OXCT1: variants seen among roughly 807,000 people sequenced by gnomAD.
OXCT1 encodes 3-oxoacid CoA-transferase 1.
OXCT1 carries 27 observed loss-of-function variants against 69.6 expected under a neutral mutation model. That is an observed-to-expected ratio of 0.39 (90% CI 0.29 to 0.54). The LOEUF is 0.54. OXCT1 is among the 20% of genes least tolerant of loss of function. OXCT1 has a pLI of 0.72. For missense variants in OXCT1, 437 were observed against 650.2 expected, an observed-to-expected ratio of 0.67 and a Z score of 3.57; for synonymous variants, 202 against 217.8, an observed-to-expected ratio of 0.93 and a Z score of 0.64.
At chr5:41,805,469 A>C in intron 9 of OXCT1, 98 bp downstream of exon 9, 1 of 819,606 alleles carries the variant, frequency 1.2e-6, no homozygotes, top group Non-Finnish European at 2.1e-6. Context: ...GTTACCATAG[A>C]CTAGAGATGA....
chr5:41,829,687 T>C (rs1447234338), intron 7 of OXCT1, among the ~76,000 whole-genome samples: 1 of 152,210 alleles, frequency 6.6e-6, no homozygotes, highest in African/African-American at 2.4e-5. Flanking sequence ...AAGAATTATA[T>C]TTGTTAATAT....
At chr5:41,862,204 C>G (rs1322693425) in intron 2 of OXCT1, among the ~76,000 whole-genome samples, 1 of 152,128 alleles carries the variant, frequency 6.6e-6, no homozygotes, top group African/African-American at 2.4e-5. Flanking sequence ...AAGTGAAACT[C>G]CCTCGAGAGT....
intron 7 of OXCT1, among the ~76,000 whole-genome samples, chr5:41,823,599 C>A (rs951540715): frequency 6.6e-6 from 1 of 152,164 alleles, no homozygotes; most frequent in East Asian, 1.9e-4. Flanking sequence ...AATCCTCTGA[C>A]GGATCTAAGA....
chr5:41,853,205 G>A (rs1321658762), intron 4 of OXCT1, among the ~76,000 whole-genome samples: 2 of 152,120 alleles, frequency 1.3e-5, no homozygotes, highest in African/African-American at 4.8e-5. Context: ...CTTGCAGCCT[G>A]GATATCTTTT....
intron 7 of OXCT1, among the ~76,000 whole-genome samples, chr5:41,823,059 T>G (rs1248532898): frequency 6.6e-6 from 1 of 152,182 alleles, no homozygotes; most frequent in Non-Finnish European, 1.5e-5. Flanking sequence ...ATACAATTCT[T>G]TTTCTGCTTT....
chr5:41,836,793 G>T (rs1458068677), intron 7 of OXCT1, among the ~76,000 whole-genome samples: 2 of 152,146 alleles, frequency 1.3e-5, no homozygotes, highest in African/African-American at 4.8e-5. Flanking sequence ...CCACTGTGCG[G>T]CCCAGTTCCT....
rs1160238055 is a variant in OXCT1, at chr5:41,749,557, C to T, written c.1389G>A (p.Lys463=). 2 of 1,608,938 alleles carry T rather than the reference C, an allele frequency of 1.2e-6. No homozygotes were observed. Among genetic ancestry groups the T allele is most frequent in the Non-Finnish European group, 8.5e-7 (1 of 1,176,256 alleles). The part of the protein sequence containing the change: ...MEKCTLPLTG[K]QCVNRIITEK... Reference sequence around the variant, plus strand: ...CAGTAATAATGCGGTTGACACATTGCTTTCCAGTCAATGGTAATGTACATT... The same window carrying T: ...CAGTAATAATGCGGTTGACACATTGTTTTCCAGTCAATGGTAATGTACATT... Residue 463 remains lysine, a synonymous_variant, in exon 15 of 17, where the codon AAG becomes AAA. Coordinates refer to ENST00000196371, the MANE Select transcript of OXCT1 (RefSeq NM_000436.4).
At chr5:41,854,571 TTTTTTTAATGGTGAAA>T (rs1024232976) in intron 3 of OXCT1, among the ~76,000 whole-genome samples, 1 of 152,166 alleles carries the variant, frequency 6.6e-6, no homozygotes, top group Non-Finnish European at 1.5e-5. Context: ...GACCTTAAGC[TTTTTTTAATGGTGAAA>T]TTTTTTAATG....
chr5:41,836,567 C>A (rs1039753487), intron 7 of OXCT1, among the ~76,000 whole-genome samples: 1 of 152,142 alleles, frequency 6.6e-6, no homozygotes, highest in African/African-American at 2.4e-5. Context: ...ACTTTTTCCA[C>A]AGATGGGGGT....
chr5:41,862,690 C>A lies in OXCT1; in HGVS notation c.139G>T (p.Val47Leu). ...HRHTKFYTDP[V>L]EAVKDIPDGA... ...TCAGGGATGTCTTTTACAGCTTCTA[C>A]TGGATCTGTATAAAACTTGGTATGG... is the stretch of plus-strand genomic sequence containing the variant. The change falls in exon 2 of 17, where the codon GTA (valine) becomes TTA (leucine). Residue 47 changes from valine to leucine, a missense_variant. By Grantham distance (32) the Val-to-Leu change is conservative. Around this residue, in one of 4 missense-constraint regions of OXCT1, gnomAD observed 79 missense variants for 61.5 expected, o/e 1.28. Coordinates refer to ENST00000196371, the MANE Select transcript of OXCT1 (RefSeq NM_000436.4). The A allele has an allele frequency of 6.2e-7, 1 of 1,612,994 alleles. No individual in the cohort carries two copies. Among genetic ancestry groups the A allele is most frequent in the East Asian group, 2.2e-5 (1 of 44,802 alleles).
intron 7 of OXCT1, among the ~76,000 whole-genome samples, chr5:41,830,717 T>C (rs1242080538): frequency 6.6e-6 from 1 of 152,210 alleles, no homozygotes; most frequent in Admixed American, 6.5e-5. Flanking sequence ...AGAAGCTTCA[T>C]TTTTCTTCCT....
At chr5:41,854,925 G>C (rs1052020149) in intron 3 of OXCT1, among the ~76,000 whole-genome samples, 1 of 152,096 alleles carries the variant, frequency 6.6e-6, no homozygotes, top group Non-Finnish European at 1.5e-5. Flanking sequence ...ATTCCATTCT[G>C]GGTCTATAAC....
intron 4 of OXCT1, among the ~76,000 whole-genome samples, chr5:41,851,184 C>T (rs1749156825): frequency 6.6e-6 from 1 of 152,026 alleles, no homozygotes; most frequent in Non-Finnish European, 1.5e-5. Flanking sequence ...TCATATTGTC[C>T]CAACCTTAAA....
intron 4 of OXCT1, among the ~76,000 whole-genome samples, chr5:41,851,328 T>C (rs1749163145): frequency 6.6e-6 from 1 of 152,132 alleles, no homozygotes; most frequent in African/African-American, 2.4e-5. Flanking sequence ...TAACTGAAAA[T>C]CTTCCAGATA....
intron 14 of OXCT1, among the ~76,000 whole-genome samples, chr5:41,759,720 T>C (rs1464030795): frequency 1.3e-5 from 2 of 152,126 alleles, no homozygotes; most frequent in Non-Finnish European, 2.9e-5. Context: ...AGCAATGCTA[T>C]ATTTATAAAC....
chr5:41,757,364 A>G (rs752789603), intron 14 of OXCT1, among the ~76,000 whole-genome samples: 7 of 151,996 alleles, frequency 4.6e-5, no homozygotes, highest in Non-Finnish European at 7.4e-5. Context: ...ATCCCATGGG[A>G]AGCCTCTTTG....
chr5:41,826,905 A>G (rs1174266812), intron 7 of OXCT1, among the ~76,000 whole-genome samples: 2 of 152,196 alleles, frequency 1.3e-5, no homozygotes, highest in African/African-American at 4.8e-5. Flanking sequence ...TCCCCGTCTC[A>G]GTAAGTGATG....
intron 13 of OXCT1, among the ~76,000 whole-genome samples, chr5:41,786,393 TG>T (rs1005077717): frequency 1.3e-5 from 2 of 152,150 alleles, no homozygotes; most frequent in African/African-American, 4.8e-5. Context: ...TTGATCCTGG[TG>T]GGTGCCAAAC....
intron 13 of OXCT1, among the ~76,000 whole-genome samples, chr5:41,772,255 A>G (rs1744903241): frequency 6.6e-6 from 1 of 152,104 alleles, no homozygotes; most frequent in African/African-American, 2.4e-5. Context: ...TGGGCAGCAC[A>G]TACTTGCTCC....
Sources: gnomAD v4.1 joint callset for allele counts (sites outside exome capture counted in the v4.1 genomes callset) on GRCh38, gnomAD v4.1.1 for gene constraint, gnomAD v4.1.1 regional missense constraint, MANE v1.5 for transcripts, NCBI Gene and HGNC (gene_info 2026-07-23, HGNC 2026-07-21) for gene names.